The following RANBP2 variants were observed in gnomAD, a reference collection of about 807,000 sequenced individuals.
RANBP2 encodes E3 SUMO-protein ligase RanBP2.
A neutral mutation model predicts 303.6 loss-of-function variants in RANBP2; 57 were observed. The observed-to-expected ratio is 0.19, with a 90% CI of 0.15 to 0.23. The LOEUF is 0.23. RANBP2 is among the 10% of genes least tolerant of loss of function. The probability of loss-of-function intolerance (pLI) is 1.00; values close to 1 mark genes in which losing one functional copy is unlikely to be tolerated. For missense variants in RANBP2, 3,138 were observed against 3,780.8 expected (o/e 0.83, Z 4.46); for synonymous variants, 1,167 against 1,301.5 (o/e 0.90, Z 2.23).
chr2:108,820,298 C>T, the RANBP2 span, among the ~76,000 whole-genome samples: 13 of 151,896 alleles, frequency 8.6e-5, no homozygotes, highest in South Asian at 2.1e-4. Context: ...GAGAAAAAAA[C>T]GAAGAAAAGT....
the RANBP2 span, among the ~76,000 whole-genome samples, chr2:108,810,416 A>G: frequency 3.3e-5 from 5 of 152,352 alleles, no homozygotes; most frequent in South Asian, 1.0e-3. Flanking sequence ...TAAGGTAATT[A>G]TATTTCATTC....
At chr2:109,552,822 T>G in the RANBP2 span, 2 of 370,588 alleles carry the variant, frequency 5.4e-6, no homozygotes, top group Non-Finnish European at 9.7e-6. Context: ...AGAGGGTAGC[T>G]GCTGCAGCTT....
chr2:109,634,758 TG>T, the RANBP2 span, among the ~76,000 whole-genome samples: 2 of 152,136 alleles, frequency 1.3e-5, no homozygotes, highest in African/African-American at 2.4e-5. Flanking sequence ...AGAACTAACA[TG>T]GGAAGGAGGC....
chr2:109,089,043 G>A, the RANBP2 span, among the ~76,000 whole-genome samples: 1 of 152,248 alleles, frequency 6.6e-6, no homozygotes, highest in East Asian at 1.9e-4. Context: ...GCAAACTCGA[G>A]TTCTTTCAGG....
At position 108,767,437 on chromosome 2, in the gene RANBP2, A is replaced by T. The variant is rs1293727765; in HGVS notation, c.6898A>T (p.Thr2300Ser). Residue 2300 changes from threonine (T) to serine (S), a missense_variant, in exon 20 of 29, where the codon ACT (threonine) becomes TCT (serine). Physicochemically the swap from Thr to Ser is moderately conservative, Grantham distance 58 (BLOSUM62 1). Transcript: ENST00000283195. Reference protein sequence around the residue: ...SVGTDEESDVTQEEERDGQYF... With the variant: ...SVGTDEESDVSQEEERDGQYF... ...TGGCACTGATGAAGAATCTGATGTT[A>T]CTCAAGAAGAAGAGAGAGATGGACA... is the stretch of plus-strand genomic sequence containing the variant. 3.1e-6 allele frequency: 5 copies of T among 1,611,818 alleles called. No homozygotes were observed. The African/African-American group carries it at 5.3e-5, about 17-fold the overall frequency.
chr2:108,947,155 C>T, the RANBP2 span, among the ~76,000 whole-genome samples: 14 of 152,292 alleles, frequency 9.2e-5, no homozygotes, highest in East Asian at 1.9e-4. Context: ...GAAACCTGGC[C>T]GGGCAGTCAT....
the RANBP2 span, chr2:109,129,653 C>T: frequency 6.7e-7 from 1 of 1,502,760 alleles, no homozygotes; most frequent in Admixed American, 2.2e-5. Flanking sequence ...GCGGCGGCCA[C>T]CGCCGCGGGG....
the RANBP2 span, among the ~76,000 whole-genome samples, chr2:109,122,190 C>A: frequency 6.6e-6 from 1 of 152,168 alleles, no homozygotes; most frequent in African/African-American, 2.4e-5. Flanking sequence ...CCATTATTTG[C>A]TCAATATTTT....
chr2:109,456,929 G>A, the RANBP2 span, among the ~76,000 whole-genome samples: 1 of 152,364 alleles, frequency 6.6e-6, no homozygotes, highest in Non-Finnish European at 1.5e-5. Flanking sequence ...GAGGGAAGGA[G>A]CACAGTCATC....
the RANBP2 span, among the ~76,000 whole-genome samples, chr2:108,961,548 T>C: frequency 3.3e-5 from 5 of 152,222 alleles, no homozygotes; most frequent in Admixed American, 1.3e-4. Flanking sequence ...ATGCTGAAGG[T>C]TGAACTGCTC....
At chr2:109,137,447 G>A in the RANBP2 span, among the ~76,000 whole-genome samples, 1 of 152,266 alleles carries the variant, frequency 6.6e-6, no homozygotes, top group Non-Finnish European at 1.5e-5. Flanking sequence ...TGCTCTGGAA[G>A]TGCCACATGC....
At chr2:109,317,315 C>A in the RANBP2 span, among the ~76,000 whole-genome samples, 1 of 152,148 alleles carries the variant, frequency 6.6e-6, no homozygotes. Flanking sequence ...CAATGCCTGT[C>A]CCTGAGGGGG....
chr2:108,964,665 A>G, the RANBP2 span, among the ~76,000 whole-genome samples: 1 of 152,302 alleles, frequency 6.6e-6, no homozygotes, highest in Non-Finnish European at 1.5e-5. Context: ...TTCCAGAAAG[A>G]AGAAGTGCTG....
the RANBP2 span, among the ~76,000 whole-genome samples, chr2:108,915,245 C>T: frequency 2.4e-4 from 36 of 152,282 alleles, no homozygotes; most frequent in South Asian, 7.3e-3. Flanking sequence ...TCAGGAGAAA[C>T]GCACACTCTT....
chr2:108,995,152 A>G, the RANBP2 span, among the ~76,000 whole-genome samples: 1 of 151,888 alleles, frequency 6.6e-6, no homozygotes, highest in Non-Finnish European at 1.5e-5. Flanking sequence ...ATTTATTAGT[A>G]TTTATTAATC....
the RANBP2 span, among the ~76,000 whole-genome samples, chr2:108,968,501 T>C: frequency 4.2e-4 from 64 of 152,298 alleles, 1 homozygote; most frequent in Non-Finnish European, 6.9e-4. Flanking sequence ...CCCACAGAAA[T>C]ATTCTGGCTT....
the RANBP2 span, among the ~76,000 whole-genome samples, chr2:109,541,519 G>A: frequency 6.6e-6 from 1 of 152,066 alleles, no homozygotes; most frequent in African/African-American, 2.4e-5. Context: ...AACCTTGTGA[G>A]GCCAAGCCTT....
At chr2:108,817,859 C>T in the RANBP2 span, among the ~76,000 whole-genome samples, 127,510 of 152,178 alleles carry the variant, frequency 0.84, 53,490 homozygotes, top group East Asian at 0.95. Flanking sequence ...GTATTTGTTA[C>T]GGCAGCAATA....
the RANBP2 span, among the ~76,000 whole-genome samples, chr2:109,625,087 C>A: frequency 0.22 from 12,972 of 58,238 alleles, 1,516 homozygotes; most frequent in Middle Eastern, 0.38. Context: ...ACAACAACAA[C>A]AAAAAAAAAA....
Sources: gnomAD v4.1 joint callset for allele counts (sites outside exome capture counted in the v4.1 genomes callset) on GRCh38, gnomAD v4.1.1 for gene constraint, MANE v1.5 for transcripts, NCBI Gene and HGNC (gene_info 2026-07-23, HGNC 2026-07-21) for gene names.